Variants in GNAO1 observed in about 807,000 individuals in gnomAD.
The protein encoded by GNAO1 is guanine nucleotide-binding protein G(o) subunit alpha.
For synonymous variants in GNAO1, 164 were observed against 180.7 expected (o/e 0.91, Z 0.74); for missense variants, 166 against 478.7 (o/e 0.35, Z 6.10).
chr16:56,299,330 G>A (rs1042926830), intron 3 of GNAO1, among the ~76,000 whole-genome samples: 1 of 152,246 alleles, frequency 6.6e-6, no homozygotes, highest in South Asian at 2.1e-4. Context: ...GAACAGAGGC[G>A]GATCCCACTC....
intron 2 of GNAO1, among the ~76,000 whole-genome samples, chr16:56,202,965 G>A (rs557992161): frequency 1.3e-5 from 2 of 152,332 alleles, no homozygotes; most frequent in South Asian, 2.1e-4. Flanking sequence ...ATTGCAGACT[G>A]AAAGTTTTTT....
chr16:56,214,872 G>A (rs145397467), intron 2 of GNAO1, among the ~76,000 whole-genome samples: 2,642 of 152,330 alleles, frequency 0.017, 47 homozygotes, highest in South Asian at 0.052. Context: ...TCACCTCCCA[G>A]CCTTCCTCTG....
intron 2 of GNAO1, among the ~76,000 whole-genome samples, chr16:56,206,149 T>C (rs956226096): frequency 6.6e-6 from 1 of 151,892 alleles, no homozygotes; most frequent in Non-Finnish European, 1.5e-5. Context: ...TGAAACCTCG[T>C]CTTTACAAAA....
chr16:56,253,691 G>C (rs1382975813), intron 2 of GNAO1, among the ~76,000 whole-genome samples: 2 of 152,188 alleles, frequency 1.3e-5, no homozygotes, highest in Non-Finnish European at 2.9e-5. Context: ...AGTCCCTGTG[G>C]GAGGTATGCA....
At chr16:56,211,324 C>T (rs547943615) in intron 2 of GNAO1, among the ~76,000 whole-genome samples, 15 of 152,282 alleles carry the variant, frequency 9.9e-5, no homozygotes, top group Admixed American at 6.5e-4. Context: ...GAACAGTCTA[C>T]GGTTGGAGGA....
At chr16:56,339,326 G>C (rs2037775707) in intron 6 of GNAO1, among the ~76,000 whole-genome samples, 1 of 152,170 alleles carries the variant, frequency 6.6e-6, no homozygotes, top group Non-Finnish European at 1.5e-5. Context: ...GACAATGGTA[G>C]AATGGACCAC....
intron 2 of GNAO1, among the ~76,000 whole-genome samples, chr16:56,223,070 T>C (rs549529324): frequency 4.5e-4 from 69 of 152,308 alleles, no homozygotes; most frequent in African/African-American, 1.6e-3. Flanking sequence ...TTTAAAACAA[T>C]AAGATGTATT....
intron 2 of GNAO1, among the ~76,000 whole-genome samples, chr16:56,194,860 C>T (rs546876607): frequency 1.3e-5 from 2 of 152,280 alleles, no homozygotes; most frequent in Non-Finnish European, 2.9e-5. Context: ...GAGAGCTGAG[C>T]TCTCTGAGGA....
chr16:56,191,954 G>A lies in GNAO1; in HGVS notation c.-282G>A. On this transcript the variant is annotated 5_prime_UTR_variant, in exon 1 of 9. Transcript: ENST00000262493. This position sits in a 1 kb window ranked among gnomAD's most constrained non-coding sequence, Gnocchi z 4.7. ...CAGTCCGCGCCTCCTCGGCCCGCGG[G>A]CGCCTCCTCCCTTGGCTCCGGAGCC... 2.0e-6 allele frequency: 1 copy of A among 495,338 alleles called. No individual in the cohort carries two copies. Among genetic ancestry groups the A allele is most frequent in the Non-Finnish European group, 3.6e-6 (1 of 279,676 alleles). The allele number at this position is 495,338 out of a possible 1,614,324, so 30.7% of individuals were successfully genotyped here. A position where few individuals can be genotyped will look rare whatever the true frequency, so the allele number is the denominator to read the frequency against.
intron 3 of GNAO1, chr16:56,300,583 G>A (rs1157669216): frequency 6.6e-6 from 1 of 152,226 alleles, no homozygotes; most frequent in Non-Finnish European, 1.5e-5. Context: ...GAGTGACAGA[G>A]TCCAGACTGA....
chr16:56,235,019 G>A (rs1425191318), intron 2 of GNAO1: 19 of 282,916 alleles, frequency 6.7e-5, no homozygotes, highest in South Asian at 6.1e-4. Flanking sequence ...ACAGCCCCTC[G>A]GGGAGTTTAA....
intron 2 of GNAO1, among the ~76,000 whole-genome samples, chr16:56,264,833 A>G (rs2036936524): frequency 1.3e-5 from 2 of 149,098 alleles, no homozygotes; most frequent in South Asian, 2.1e-4. Flanking sequence ...AGTATAGTAT[A>G]CTAATTATAT....
chr16:56,201,281 G>C (rs1179051007), intron 2 of GNAO1, among the ~76,000 whole-genome samples: 1 of 152,074 alleles, frequency 6.6e-6, no homozygotes, highest in Admixed American at 6.6e-5. Context: ...TCACCAGGTC[G>C]AAAAAAAGGA....
intron 6 of GNAO1, chr16:56,345,219 C>A (rs2037853855): frequency 1.0e-6 from 1 of 985,468 alleles, no homozygotes; most frequent in Non-Finnish European, 1.2e-6. Flanking sequence ...AAGATGCCTC[C>A]AGGTGGCTGA....
intron 2 of GNAO1, among the ~76,000 whole-genome samples, chr16:56,211,399 C>T (rs1567439775): frequency 6.6e-6 from 1 of 152,298 alleles, no homozygotes; most frequent in East Asian, 1.9e-4. Flanking sequence ...TAGACACCCC[C>T]AGAACTCCCT....
chr16:56,237,990 G>A lies in GNAO1; in HGVS notation c.162-37941G>A, dbSNP rs567835654. On this transcript the variant is annotated intron_variant, in intron 2 of 8. Transcript: ENST00000262493. ...TTCTCCATCTTTCTCAAAACTTTGGGCCAGCAGCATTATTTCATACATTTT... is the reference window on the plus strand; with the variant it reads ...TTCTCCATCTTTCTCAAAACTTTGGACCAGCAGCATTATTTCATACATTTT... 2.6e-5 allele frequency among the ~76,000 whole-genome samples: 4 copies of A among 152,254 alleles called. 1 individual carries two copies. Among genetic ancestry groups the A allele is most frequent in the Admixed American group, 2.0e-4 (3 of 15,292 alleles).
chr16:56,286,654 G>GTCTC (rs142417530), intron 3 of GNAO1, among the ~76,000 whole-genome samples: 2 of 150,808 alleles, frequency 1.3e-5, no homozygotes, highest in African/African-American at 4.9e-5. Context: ...AGTCCTGCAA[G>GTCTC]TCTCTCTCTC....
At chr16:56,349,633 A>G (rs2037903478) in intron 6 of GNAO1, among the ~76,000 whole-genome samples, 1 of 152,234 alleles carries the variant, frequency 6.6e-6, no homozygotes, top group African/African-American at 2.4e-5. Context: ...TGATGAGATC[A>G]TATGAGTTTA....
At chr16:56,225,155 C>T (rs1177050492) in intron 2 of GNAO1, among the ~76,000 whole-genome samples, 3 of 152,224 alleles carry the variant, frequency 2.0e-5, no homozygotes, top group Admixed American at 2.0e-4. Flanking sequence ...CTCTGTAGAG[C>T]AGGATGTGGC....
Sources: gnomAD v4.1 joint callset for allele counts (sites outside exome capture counted in the v4.1 genomes callset) on GRCh38, gnomAD v4.1.1 for gene constraint, Gnocchi (gnomAD v3.1) non-coding constraint, MANE v1.5 for transcripts, NCBI Gene and HGNC (gene_info 2026-07-23, HGNC 2026-07-21) for gene names.